The following MFN2 variants were observed in gnomAD, a reference collection of about 807,000 sequenced individuals.
MFN2 encodes the protein mitofusin-2.
A neutral mutation model predicts 87.5 loss-of-function variants in MFN2; 43 were observed. That is an observed-to-expected ratio of 0.49 (90% CI 0.38 to 0.63). The LOEUF (loss-of-function observed/expected upper bound fraction) is 0.63, where lower values mean the gene tolerates loss of function less well. Among genes scored for constraint, MFN2 ranks in the 30% least tolerant of loss-of-function variants. The pLI, the probability that MFN2 is intolerant of heterozygous loss-of-function variation, is 0.00. For missense variants in MFN2, 743 were observed against 972.8 expected (o/e 0.76, Z 3.14); for synonymous variants, 337 against 359.9 (o/e 0.94, Z 0.72).
At chr1:11,984,185 GC>G (rs1435882619) in intron 2 of MFN2, among the ~76,000 whole-genome samples, 1 of 152,196 alleles carries the variant, frequency 6.6e-6, no homozygotes, top group African/African-American at 2.4e-5. Flanking sequence ...GAACTTAAAA[GC>G]ACCTGCTTCT....
At chr1:12,010,034 A>C (rs1639621794) in intron 18 of MFN2, among the ~76,000 whole-genome samples, 1 of 152,168 alleles carries the variant, frequency 6.6e-6, no homozygotes, top group Non-Finnish European at 1.5e-5. Flanking sequence ...TGTGCTTGTA[A>C]TCCCAGCCAC....
chr1:12,004,922 T>A lies in MFN2; in HGVS notation c.1490T>A (p.Met497Lys), dbSNP rs1320461934. Residue 497 changes from methionine to lysine, a missense_variant, in exon 14 of 19, where the codon ATG becomes AAG. By Grantham distance (95) the Met-to-Lys change is moderately conservative. Around this residue, in one of 3 missense-constraint regions of MFN2, gnomAD observed 571 missense variants for 670.7 expected, o/e 0.85. Transcript: ENST00000235329. The surrounding 1 kb of genome is among the most constrained non-coding windows in gnomAD (Gnocchi z 4.2). Reference protein sequence around the residue: ...TNSLQTMQQDMIDGLKPLLPV... With the variant: ...TNSLQTMQQDKIDGLKPLLPV... Reference sequence around the variant, plus strand: ...TCCCTGCAGACCATGCAGCAGGACATGATAGGTTAGTGCCCATGGGGAACT... The same window carrying A: ...TCCCTGCAGACCATGCAGCAGGACAAGATAGGTTAGTGCCCATGGGGAACT... The A allele has an allele frequency of 6.2e-7, 1 of 1,607,344 alleles. No homozygotes were observed. Among genetic ancestry groups the A allele is most frequent in the Non-Finnish European group, 8.5e-7 (1 of 1,176,930 alleles).
chr1:11,987,176 T>C (rs6668386), intron 2 of MFN2, among the ~76,000 whole-genome samples: 98,805 of 151,462 alleles, frequency 0.65, 32,616 homozygotes, highest in South Asian at 0.69. Context: ...GGTGTGGTGG[T>C]ACATGCCCGT....
In MFN2 at chr1:11,989,191, G is replaced by A. The variant is rs1366027878; in HGVS notation, c.23G>A (p.Cys8Tyr). 1.9e-6 allele frequency: 3 copies of A among 1,613,988 alleles called. No homozygotes were observed. The highest frequency in any genetic ancestry group is 2.2e-5 in the South Asian group (2 of 91,086). ...GCAATGTCCCTGCTCTTCTCTCGAT[G>A]CAACTCTATCGTCACAGTCAAGAAA... MSLLFSRCNSIVTVKKNK... is the reference protein window; with the variant it reads MSLLFSRYNSIVTVKKNK... Residue 8 changes from cysteine to tyrosine, a missense_variant, in exon 3 of 19, where the codon TGC becomes TAC. Physicochemically the swap from Cys to Tyr is radical, Grantham distance 194. Coordinates refer to ENST00000235329, the MANE Select transcript of MFN2 (RefSeq NM_014874.4).
chr1:11,992,967 CT>C (rs35911686), intron 4 of MFN2, among the ~76,000 whole-genome samples: 11 of 143,984 alleles, frequency 7.6e-5, no homozygotes, highest in Non-Finnish European at 1.4e-4. Context: ...TCAAGCCTGA[CT>C]TTTTTTTTTT....
intron 2 of MFN2, among the ~76,000 whole-genome samples, chr1:11,985,562 GT>G: frequency 6.7e-6 from 1 of 149,554 alleles, no homozygotes; most frequent in African/African-American, 2.5e-5. Flanking sequence ...TACCTCCCAG[GT>G]TCAAGTGATT....
At chr1:11,986,123 C>G (rs996368898) in intron 2 of MFN2, among the ~76,000 whole-genome samples, 1 of 152,170 alleles carries the variant, frequency 6.6e-6, no homozygotes, top group African/African-American at 2.4e-5. Context: ...GGGTCCCTAT[C>G]CCGCTTTGGG....
At chr1:11,980,943 T>C (rs1292180167) in intron 1 of MFN2, among the ~76,000 whole-genome samples, 1 of 152,166 alleles carries the variant, frequency 6.6e-6, no homozygotes, top group Admixed American at 6.5e-5. Context: ...CTGTTTCTTA[T>C]CCATTTCTAA....
chr1:12,005,839 G>A lies in MFN2; in HGVS notation c.1624G>A (p.Glu542Lys). 6.2e-7 allele frequency: 1 copy of A among 1,614,172 alleles called. No individual in the cohort carries two copies. Among genetic ancestry groups the A allele is most frequent in the Non-Finnish European group, 8.5e-7 (1 of 1,180,040 alleles). ...KLCADFQEDI[E>K]FHFSLGWTML... is the part of the protein sequence containing the mutation. ...GTGTGCTGACTTCCAGGAAGACATT[G>A]AGTTCCATTTCTCTCTCGGATGGAC... The change falls in exon 15 of 19, where the codon GAG (glutamate) becomes AAG (lysine). Residue 542 changes from glutamate to lysine, a missense_variant. Around this residue, in one of 3 missense-constraint regions of MFN2, gnomAD observed 571 missense variants for 670.7 expected, o/e 0.85. Coordinates refer to ENST00000235329, the MANE Select transcript of MFN2 (RefSeq NM_014874.4).
intron 4 of MFN2, among the ~76,000 whole-genome samples, chr1:11,994,666 A>G (rs1638835062): frequency 6.6e-6 from 1 of 152,166 alleles, no homozygotes; most frequent in Non-Finnish European, 1.5e-5. Context: ...AGCCTGGGGA[A>G]TAGGCACTGT....
In MFN2 at chr1:12,004,049, A is replaced by T. The variant is rs1437640665; in HGVS notation, c.1218A>T (p.Lys406Asn). The T allele has an allele frequency of 5.0e-6, 8 of 1,614,208 alleles. No individual in the cohort carries two copies. The highest frequency in any genetic ancestry group is 6.8e-6 in the Non-Finnish European group (8 of 1,180,034). The change falls in exon 12 of 19, where the codon AAA becomes AAT. Residue 406 changes from lysine (K) to asparagine (N), a missense_variant. Lys to Asn is a moderately conservative substitution (Grantham distance 94). This residue lies in a region of MFN2 where 571 missense variants were observed against 670.7 expected (regional missense o/e 0.85). Coordinates refer to ENST00000235329, the MANE Select transcript of MFN2 (RefSeq NM_014874.4). The surrounding 1 kb of genome is among the most constrained non-coding windows in gnomAD (Gnocchi z 4.2). Reference sequence around the variant, plus strand: ...AAGACCGACTGAAATTTATTGACAAACAGCTGGAGCTCTTGGCTCAAGACT... The same window carrying T: ...AAGACCGACTGAAATTTATTGACAATCAGCTGGAGCTCTTGGCTCAAGACT... ...ERQDRLKFIDKQLELLAQDYK... is the reference protein window; with the variant it reads ...ERQDRLKFIDNQLELLAQDYK...
chr1:11,995,047 GC>G (rs1638850371), intron 4 of MFN2, among the ~76,000 whole-genome samples: 1 of 151,716 alleles, frequency 6.6e-6, no homozygotes, highest in Non-Finnish European at 1.5e-5. Flanking sequence ...TTTGAGACCA[GC>G]CTGAGCAACA....
Position 12,011,637 on chromosome 1 carries a change from A to C in MFN2, c.*72A>C, listed in dbSNP as rs1392406042. ...CCCTAAGTGCCATGTGGGCTCCCCC[A>C]GGGGCACGTGTGGCTCCTGCCCCCT... On this transcript the variant is annotated 3_prime_UTR_variant, in exon 19 of 19. Coordinates refer to ENST00000235329, the MANE Select transcript of MFN2 (RefSeq NM_014874.4). 6.5e-7 allele frequency: 1 copy of C among 1,532,956 alleles called. No homozygotes were observed. The highest frequency in any genetic ancestry group is 9.0e-7 in the Non-Finnish European group (1 of 1,109,368). 95.0% of individuals were successfully genotyped at this position (1,532,956 alleles called of 1,614,324 possible). A position where few individuals can be genotyped will look rare whatever the true frequency, so the allele number is the denominator to read the frequency against.
chr1:12,011,976 A>C lies in MFN2; in HGVS notation c.*411A>C. 3.9e-6 allele frequency: 1 copy of C among 254,402 alleles called. No homozygotes were observed. Among genetic ancestry groups the C allele is most frequent in the Admixed American group, 4.7e-5 (1 of 21,090 alleles). 15.8% of individuals were successfully genotyped at this position (254,402 alleles called of 1,614,324 possible). ...GCCTGTGCGCACCTGCCCTCCTTGC[A>C]GCCCAGCACACCTGCAGGTGTAAGG... is the stretch of plus-strand genomic sequence containing the variant. On this transcript the variant is annotated 3_prime_UTR_variant, in exon 19 of 19. Transcript: ENST00000235329.
intron 1 of MFN2, among the ~76,000 whole-genome samples, chr1:11,981,184 G>A (rs1408345222): frequency 2.0e-5 from 3 of 152,146 alleles, no homozygotes; most frequent in Admixed American, 6.5e-5. Flanking sequence ...TTGGGGCTTG[G>A]GGGAGGAAGG....
chr1:11,994,672 A>G (rs907404981), intron 4 of MFN2, among the ~76,000 whole-genome samples: 2 of 152,102 alleles, frequency 1.3e-5, no homozygotes, highest in Non-Finnish European at 1.5e-5. Flanking sequence ...GGGAATAGGC[A>G]CTGTGCCTAG....
chr1:11,998,113 A>C (rs967314563), intron 6 of MFN2, among the ~76,000 whole-genome samples: 19 of 150,660 alleles, frequency 1.3e-4, no homozygotes, highest in South Asian at 4.3e-4. Context: ...TGAACTGCTG[A>C]CCTCATGATC....
chr1:11,998,407 G>C (rs1639022819), intron 6 of MFN2, among the ~76,000 whole-genome samples: 3 of 151,904 alleles, frequency 2.0e-5, no homozygotes, highest in African/African-American at 7.3e-5. Flanking sequence ...AATTAGCTGG[G>C]CATGGTGGTG....
chr1:12,009,709 C>T lies in MFN2; in HGVS notation c.2187C>T (p.Ser729=). The change falls in exon 18 of 19, where the codon AGC becomes AGT. Residue 729 remains serine, a synonymous_variant. Transcript: ENST00000235329. ...KKIEVLDSLQ[S]KAKLLRNKAG... is the part of the protein sequence containing the mutation. ...TTGAGGTTCTTGACTCACTTCAGAG[C>T]AAAGCAAAGCTGCTCAGGTGAGGCT... is the stretch of plus-strand genomic sequence containing the variant. 1 of 1,614,228 alleles carries T rather than the reference C, an allele frequency of 6.2e-7. No individual in the cohort carries two copies. Among genetic ancestry groups the T allele is most frequent in the South Asian group, 1.1e-5 (1 of 91,086 alleles).
Sources: allele counts gnomAD v4.1 joint callset (sites outside exome capture counted in the v4.1 genomes callset), GRCh38; gene constraint gnomAD v4.1.1; regional missense constraint gnomAD v4.1.1; non-coding constraint Gnocchi (gnomAD v3.1); transcripts MANE v1.5; gene names NCBI Gene and HGNC (gene_info 2026-07-23, HGNC 2026-07-21).